NAV2: variants seen among roughly 807,000 people sequenced by gnomAD.
The protein encoded by NAV2 is neuron navigator 2, also known as helicase, APC down-regulated 1.
NAV2 carries 54 observed loss-of-function variants against 223.2 expected under a neutral mutation model. The observed-to-expected ratio is 0.24, with a 90% CI of 0.19 to 0.30. NAV2 has a LOEUF of 0.30. Ranked by LOEUF, NAV2 falls within the 10% of genes least tolerant of loss-of-function variation. NAV2 has a pLI of 1.00. For missense variants in NAV2, 2,806 were observed against 3,147.5 expected (o/e 0.89, Z 2.60); for synonymous variants, 1,279 against 1,239.3 (o/e 1.03, Z -0.67).
At chr11:19,534,757 TG>T (rs1378940744) in intron 1 of NAV2, among the ~76,000 whole-genome samples, 1 of 152,140 alleles carries the variant, frequency 6.6e-6, no homozygotes, top group Non-Finnish European at 1.5e-5. Flanking sequence ...TGAGAGACCT[TG>T]CATTCCATGC....
At chr11:19,879,786 C>CA in intron 4 of NAV2, 83 bp from the exon 5 acceptor site, 2 of 1,527,470 alleles carry the variant, frequency 1.3e-6, no homozygotes, top group Non-Finnish European at 1.8e-6. Context: ...CTAAAGAAAT[C>CA]AAACTCACGT....
intron 6 of NAV2, among the ~76,000 whole-genome samples, chr11:19,893,870 T>G (rs1455885840): frequency 6.6e-6 from 1 of 152,226 alleles, no homozygotes; most frequent in Admixed American, 6.5e-5. Flanking sequence ...ACCGTACCAG[T>G]GTGTTTTTTA....
At chr11:19,549,869 T>TTTTCCTGATAGCCACTTCCCA (rs1245370118) in intron 1 of NAV2, among the ~76,000 whole-genome samples, 4 of 152,198 alleles carry the variant, frequency 2.6e-5, no homozygotes, top group Non-Finnish European at 4.4e-5. Context: ...AGAATCTGCT[T>TTTTCCTGATAGCCACTTCCCA]TTTCCTGATA....
rs1236303028 is a variant in NAV2, at chr11:19,530,931, C to G, written c.75+179904C>G. Among the ~76,000 whole-genome samples the G allele has an allele frequency of 2.6e-5, 4 of 152,294 alleles. No homozygotes were observed. The East Asian group carries it at 5.8e-4, about 22-fold the overall frequency. The stretch of plus-strand genomic sequence containing the variant: ...TTAGTTTGACTTCAAAGTCATTGCT[C>G]CCTTGAAAGCATTATCCTGTGAAAA... On this transcript the variant is annotated intron_variant, in intron 1 of 37. Coordinates refer to the NAV2 transcript ENST00000360655.
chr11:19,634,386 G>A (rs117514561), intron 1 of NAV2, among the ~76,000 whole-genome samples: 1,526 of 152,262 alleles, frequency 0.01, 11 homozygotes, highest in Non-Finnish European at 0.017. Context: ...TAACTACTGG[G>A]TATTGGGCTT....
At chr11:19,727,626 C>A (rs2051361353) in intron 1 of NAV2, among the ~76,000 whole-genome samples, 1 of 152,184 alleles carries the variant, frequency 6.6e-6, no homozygotes, top group African/African-American at 2.4e-5. Context: ...TTGGGGAAAG[C>A]CCATTGATAA....
chr11:19,616,383 T>C (rs2046794559), intron 1 of NAV2, among the ~76,000 whole-genome samples: 2 of 152,028 alleles, frequency 1.3e-5, no homozygotes, highest in South Asian at 4.2e-4. Flanking sequence ...CCTATGTGTG[T>C]GTATTGCAGC....
At chr11:19,780,541 TA>T (rs1199337755) in intron 1 of NAV2, among the ~76,000 whole-genome samples, 1 of 152,264 alleles carries the variant, frequency 6.6e-6, no homozygotes, top group Non-Finnish European at 1.5e-5. Context: ...GGAGTGCAGG[TA>T]GTCCAGTCAG....
intron 1 of NAV2, among the ~76,000 whole-genome samples, chr11:19,637,011 C>T (rs185460370): frequency 1.3e-5 from 2 of 152,342 alleles, no homozygotes; most frequent in African/African-American, 4.8e-5. Context: ...CTAACTTAAG[C>T]CTTCTATAAA....
chr11:19,351,563 C>G (rs1800531340), intron 1 of NAV2, among the ~76,000 whole-genome samples: 1 of 152,100 alleles, frequency 6.6e-6, no homozygotes, highest in African/African-American at 2.4e-5. Context: ...CTGAAAGCTG[C>G]AGTCACCCAG....
chr11:20,090,548 A>G (rs935326472), intron 26 of NAV2, among the ~76,000 whole-genome samples: 4 of 152,252 alleles, frequency 2.6e-5, no homozygotes, highest in African/African-American at 9.6e-5. Context: ...GAACTCAGGA[A>G]AAGAGTGAAA....
chr11:19,396,219 G>A (rs1849441444), intron 1 of NAV2, among the ~76,000 whole-genome samples: 1 of 152,186 alleles, frequency 6.6e-6, no homozygotes, highest in Non-Finnish European at 1.5e-5. Flanking sequence ...CATTTAGTAA[G>A]CACACCTAGT....
chr11:20,069,133 G>T (rs567334977), intron 22 of NAV2, among the ~76,000 whole-genome samples: 1 of 152,064 alleles, frequency 6.6e-6, no homozygotes, highest in Non-Finnish European at 1.5e-5. Context: ...TTTTTAAAAG[G>T]GGGACAGGAA....
intron 1 of NAV2, among the ~76,000 whole-genome samples, chr11:19,800,672 GGTGTGTGTGTGT>G (rs142402876): frequency 4.1e-5 from 6 of 145,846 alleles, no homozygotes; most frequent in African/African-American, 7.5e-5. Context: ...AAGGAGAATG[GGTGTGTGTGTGT>G]GTGTGTGTGT....
At chr11:19,389,775 G>A (rs1275448080) in intron 1 of NAV2, among the ~76,000 whole-genome samples, 1 of 152,222 alleles carries the variant, frequency 6.6e-6, no homozygotes. Context: ...TCTCATGTGT[G>A]TTCCTGTGGC....
chr11:19,600,941 AT>A (rs1356276186), intron 1 of NAV2, among the ~76,000 whole-genome samples: 2 of 152,190 alleles, frequency 1.3e-5, no homozygotes, highest in Non-Finnish European at 2.9e-5. Context: ...CTTTGTAATC[AT>A]TAATACATGA....
intron 1 of NAV2, among the ~76,000 whole-genome samples, chr11:19,696,543 C>T (rs746770112): frequency 4.6e-5 from 7 of 152,234 alleles, no homozygotes; most frequent in Non-Finnish European, 7.3e-5. Flanking sequence ...TTCAGCTCAG[C>T]GTCTCACAGT....
intron 1 of NAV2, among the ~76,000 whole-genome samples, chr11:19,795,938 A>G (rs1224477969): frequency 6.6e-6 from 1 of 151,478 alleles, no homozygotes; most frequent in African/African-American, 2.4e-5. Flanking sequence ...GGCTTTGAGA[A>G]ACCCCTTTAG....
intron 1 of NAV2, among the ~76,000 whole-genome samples, chr11:19,665,937 GTCA>G (rs530657977): frequency 7.9e-5 from 12 of 151,764 alleles, no homozygotes; most frequent in African/African-American, 9.7e-5. Flanking sequence ...CATCATCATC[GTCA>G]TCATCATCAT....
Sources: allele counts gnomAD v4.1 joint callset (sites outside exome capture counted in the v4.1 genomes callset), GRCh38; gene constraint gnomAD v4.1.1; transcripts MANE v1.5; gene names NCBI Gene and HGNC (gene_info 2026-07-23, HGNC 2026-07-21).